The following GPC5 variants were observed in gnomAD, a reference collection of about 807,000 sequenced individuals.
The protein encoded by GPC5 is glypican 5.
Under a neutral mutation model 53.9 loss-of-function variants are expected in GPC5, and 47 were observed. The observed-to-expected ratio is 0.87, with a 90% confidence interval of 0.69 to 1.11. The LOEUF (loss-of-function observed/expected upper bound fraction) is 1.11, where lower values mean the gene tolerates loss of function less well. Ranked by LOEUF, GPC5 falls within the 50% of genes most tolerant of loss-of-function variation. The pLI is 0.00. For synonymous variants in GPC5, 286 were observed against 263.3 expected (o/e 1.09, Z -0.84); for missense variants, 748 against 713.1 (o/e 1.05, Z -0.56).
chr13:91,702,321 TCTTGTGGCCTGTA>T (rs1324235780), intron 3 of GPC5, among the ~76,000 whole-genome samples: 1 of 152,136 alleles, frequency 6.6e-6, no homozygotes, highest in African/African-American at 2.4e-5. Context: ...CTATTTTTGC[TCTTGTGGCCTGTA>T]CTTGTGGGGT....
intron 6 of GPC5, among the ~76,000 whole-genome samples, chr13:92,023,569 T>C (rs1366108962): frequency 2.6e-5 from 4 of 151,738 alleles, no homozygotes; most frequent in Non-Finnish European, 5.9e-5. Context: ...GATTTTGGAG[T>C]TATTCAGCTA....
chr13:92,495,660 C>G (rs1182687011), intron 7 of GPC5, among the ~76,000 whole-genome samples: 1 of 148,514 alleles, frequency 6.7e-6, no homozygotes, highest in Non-Finnish European at 1.5e-5. Flanking sequence ...AGATAAGTAA[C>G]AGATTCTAGG....
intron 7 of GPC5, among the ~76,000 whole-genome samples, chr13:92,167,344 T>C (rs1256224017): frequency 3.3e-5 from 5 of 152,172 alleles, no homozygotes; most frequent in Non-Finnish European, 7.3e-5. Flanking sequence ...AAATTGTATA[T>C]GGTTTTTAAT....
At chr13:92,705,923 CAA>C (rs1266345342) in intron 7 of GPC5, 52 of 130,688 alleles carry the variant, frequency 4.0e-4, no homozygotes, top group Non-Finnish European at 3.5e-4. Context: ...TCATCTCCAC[CAA>C]AAAAAAAAAA....
chr13:92,351,168 C>G (rs545501673), intron 7 of GPC5, among the ~76,000 whole-genome samples: 3 of 151,188 alleles, frequency 2.0e-5, no homozygotes, highest in African/African-American at 7.3e-5. Context: ...TTTAAAAACC[C>G]TAACAAAATA....
chr13:92,816,396 G>A (rs1877478215), intron 7 of GPC5, among the ~76,000 whole-genome samples: 1 of 151,966 alleles, frequency 6.6e-6, no homozygotes, highest in South Asian at 2.1e-4. Flanking sequence ...TTGGCTGTTT[G>A]AGCATGGGGA....
chr13:92,279,367 T>G, intron 7 of GPC5, among the ~76,000 whole-genome samples: 1 of 152,204 alleles, frequency 6.6e-6, no homozygotes, highest in African/African-American at 2.4e-5. Context: ...TATATTCATC[T>G]TGTGCACTGA....
intron 6 of GPC5, among the ~76,000 whole-genome samples, chr13:92,081,606 C>T (rs1003710632): frequency 2.0e-5 from 3 of 152,094 alleles, no homozygotes; most frequent in East Asian, 1.9e-4. Flanking sequence ...TTCTTCTACA[C>T]TTCCATGCTC....
chr13:92,612,761 A>G (rs1594346677), intron 7 of GPC5, among the ~76,000 whole-genome samples: 1 of 152,232 alleles, frequency 6.6e-6, no homozygotes, highest in East Asian at 1.9e-4. Context: ...TCTGTGCCAG[A>G]CATTATGACA....
intron 7 of GPC5, among the ~76,000 whole-genome samples, chr13:92,199,921 A>G (rs184297896): frequency 6.6e-6 from 1 of 152,324 alleles, no homozygotes; most frequent in East Asian, 1.9e-4. Flanking sequence ...AAAGCTTGCA[A>G]TATACATTTT....
chr13:92,786,323 A>G (rs924111537), intron 7 of GPC5, among the ~76,000 whole-genome samples: 5 of 152,176 alleles, frequency 3.3e-5, no homozygotes, highest in Admixed American at 6.5e-5. Flanking sequence ...TCAGACTACA[A>G]GTTGAAAGAT....
intron 6 of GPC5, among the ~76,000 whole-genome samples, chr13:92,024,170 CTTT>C (rs769106493): frequency 2.6e-5 from 4 of 152,060 alleles, no homozygotes; most frequent in Non-Finnish European, 5.9e-5. Flanking sequence ...ATGCTTTCTT[CTTT>C]GATTTGGTTG....
intron 7 of GPC5, among the ~76,000 whole-genome samples, chr13:92,801,246 T>C (rs1442790800): frequency 6.6e-6 from 1 of 151,688 alleles, no homozygotes; most frequent in Non-Finnish European, 1.5e-5. Flanking sequence ...ATATCTATAT[T>C]TATACAGACA....
At chr13:91,659,975 A>G (rs2034946200) in intron 2 of GPC5, among the ~76,000 whole-genome samples, 2 of 152,222 alleles carry the variant, frequency 1.3e-5, no homozygotes, top group Admixed American at 1.3e-4. Flanking sequence ...CAGAGAATCA[A>G]AGGCAGGCAG....
intron 2 of GPC5, among the ~76,000 whole-genome samples, chr13:91,490,546 A>G (rs1209818756): frequency 6.6e-6 from 1 of 152,202 alleles, no homozygotes; most frequent in Non-Finnish European, 1.5e-5. Flanking sequence ...TTGGGTGAGT[A>G]TTAGTTAAGC....
chr13:92,185,323 C>T (rs562203292), intron 7 of GPC5, among the ~76,000 whole-genome samples: 1 of 152,244 alleles, frequency 6.6e-6, no homozygotes, highest in South Asian at 2.1e-4. Context: ...TTTTGATCTT[C>T]ATGCTAGTAT....
intron 7 of GPC5, among the ~76,000 whole-genome samples, chr13:92,250,872 T>C (rs553778120): frequency 1.0e-3 from 153 of 152,052 alleles, no homozygotes; most frequent in African/African-American, 3.5e-3. Context: ...TTTTTATTGA[T>C]TGAAAAAAAA....
chr13:92,737,981 C>T (rs1473255978), intron 7 of GPC5, among the ~76,000 whole-genome samples: 1 of 151,674 alleles, frequency 6.6e-6, no homozygotes, highest in Non-Finnish European at 1.5e-5. Flanking sequence ...TCAGGCTGGT[C>T]TCAAACTCCT....
chr13:91,552,352 G>T (rs2030690308), intron 2 of GPC5, among the ~76,000 whole-genome samples: 1 of 151,964 alleles, frequency 6.6e-6, no homozygotes, highest in African/African-American at 2.4e-5. Context: ...TATCTAACGT[G>T]TAAGGAATTG....
Sources: gnomAD v4.1 joint callset for allele counts (sites outside exome capture counted in the v4.1 genomes callset) on GRCh38, gnomAD v4.1.1 for gene constraint, MANE v1.5 for transcripts, NCBI Gene and HGNC (gene_info 2026-07-23, HGNC 2026-07-21) for gene names.